LRRTM4: variants seen among roughly 807,000 people sequenced by gnomAD.
LRRTM4 encodes leucine rich repeat transmembrane neuronal 4.
In LRRTM4, 25 loss-of-function variants were observed where a neutral mutation model predicts 47.6. The ratio of observed to expected loss-of-function variants is 0.53; its 90% confidence interval spans 0.38 to 0.73. The LOEUF is 0.73. Ranked by LOEUF, LRRTM4 falls within the 30% of genes least tolerant of loss-of-function variation. The pLI, the probability that LRRTM4 is intolerant of heterozygous loss-of-function variation, is 0.00. For synonymous variants in LRRTM4, 311 were observed against 269.5 expected, an observed-to-expected ratio of 1.15 and a Z score of -1.51; for missense variants, 638 against 713.4, an observed-to-expected ratio of 0.89 and a Z score of 1.20.
intron 3 of LRRTM4, among the ~76,000 whole-genome samples, chr2:76,802,859 G>A (rs892103478): frequency 3.9e-5 from 6 of 152,038 alleles, no homozygotes; most frequent in African/African-American, 7.2e-5. Context: ...GAAAGGACAC[G>A]CTCATCAATA....
chr2:77,201,841 T>A (rs561553325), intron 3 of LRRTM4, among the ~76,000 whole-genome samples: 1 of 152,126 alleles, frequency 6.6e-6, no homozygotes. Flanking sequence ...ACTTATCAAA[T>A]TTCTAAATGT....
At chr2:77,341,129 A>T (rs1671358773) in intron 3 of LRRTM4, among the ~76,000 whole-genome samples, 2 of 151,848 alleles carry the variant, frequency 1.3e-5, no homozygotes, top group South Asian at 4.1e-4. Context: ...AACATGAGTC[A>T]CTCACTCTGC....
At chr2:77,010,521 C>T (rs1677833440) in intron 3 of LRRTM4, among the ~76,000 whole-genome samples, 2 of 150,990 alleles carry the variant, frequency 1.3e-5, no homozygotes, top group African/African-American at 4.9e-5. Context: ...CACACACACA[C>T]ACACACACAC....
intron 3 of LRRTM4, among the ~76,000 whole-genome samples, chr2:76,938,764 A>G (rs1675040727): frequency 6.6e-6 from 1 of 152,168 alleles, no homozygotes; most frequent in East Asian, 1.9e-4. Flanking sequence ...TTTAAAAATT[A>G]TCCTTTATAA....
intron 3 of LRRTM4, among the ~76,000 whole-genome samples, chr2:76,801,451 G>T (rs1675676432): frequency 6.6e-6 from 1 of 151,994 alleles, no homozygotes; most frequent in South Asian, 2.1e-4. Context: ...ACTCATAGGT[G>T]GGAATTGAAC....
chr2:77,317,135 T>C (rs1367919527), intron 3 of LRRTM4, among the ~76,000 whole-genome samples: 1 of 146,932 alleles, frequency 6.8e-6, no homozygotes, highest in African/African-American at 2.4e-5. Flanking sequence ...CATGATAAAA[T>C]GTAAAGTGAA....
chr2:77,461,334 T>C (rs2103972796), intron 3 of LRRTM4, among the ~76,000 whole-genome samples: 1 of 152,260 alleles, frequency 6.6e-6, no homozygotes, highest in Middle Eastern at 3.4e-3. Flanking sequence ...GGAAATTTAT[T>C]CAAACTCAGT....
intron 3 of LRRTM4, among the ~76,000 whole-genome samples, chr2:77,490,458 A>G (rs1261093860): frequency 1.3e-5 from 2 of 152,146 alleles, no homozygotes; most frequent in Non-Finnish European, 2.9e-5. Context: ...AAGAAACACA[A>G]TATCTCTACA....
At chr2:77,508,255 C>T (rs1409802677) in intron 3 of LRRTM4, among the ~76,000 whole-genome samples, 1 of 152,088 alleles carries the variant, frequency 6.6e-6, no homozygotes, top group Admixed American at 6.6e-5. Context: ...GTGAAGTAAT[C>T]AGACTTTTGG....
intron 3 of LRRTM4, among the ~76,000 whole-genome samples, chr2:76,770,302 G>A (rs1673640991): frequency 6.6e-6 from 1 of 152,090 alleles, no homozygotes; most frequent in African/African-American, 2.4e-5. Context: ...AGCTCCTTCG[G>A]TAAACTCATT....
At chr2:76,786,112 G>T (rs972859280) in intron 3 of LRRTM4, among the ~76,000 whole-genome samples, 3 of 151,992 alleles carry the variant, frequency 2.0e-5, no homozygotes, top group African/African-American at 7.3e-5. Context: ...CTCAACTTCA[G>T]CTTCATCTGG....
chr2:76,765,661 A>C (rs1673427216), intron 3 of LRRTM4, among the ~76,000 whole-genome samples: 1 of 152,214 alleles, frequency 6.6e-6, no homozygotes, highest in Admixed American at 6.5e-5. Context: ...TCTACTAGCC[A>C]AAATAAGGGG....
chr2:76,961,967 T>C (rs1004948857), intron 3 of LRRTM4, among the ~76,000 whole-genome samples: 2 of 151,310 alleles, frequency 1.3e-5, no homozygotes, highest in African/African-American at 2.4e-5. Flanking sequence ...TTTATGAATA[T>C]AGTATTTCTG....
intron 3 of LRRTM4, among the ~76,000 whole-genome samples, chr2:77,259,587 G>A (rs956973397): frequency 5.3e-5 from 8 of 151,958 alleles, no homozygotes; most frequent in East Asian, 1.9e-4. Context: ...AATAAAAGAA[G>A]TTTGGGAAGT....
chr2:76,864,518 G>A (rs865875589), intron 3 of LRRTM4, among the ~76,000 whole-genome samples: 13 of 152,030 alleles, frequency 8.6e-5, no homozygotes, highest in Middle Eastern at 6.8e-3. Context: ...TTAGCTTGGC[G>A]TGGTGGCGCA....
At chr2:77,150,517 ATTCATT>A (rs1164880213) in intron 3 of LRRTM4, among the ~76,000 whole-genome samples, 3 of 152,160 alleles carry the variant, frequency 2.0e-5, no homozygotes, top group African/African-American at 7.2e-5. Flanking sequence ...AGAAGCCCTC[ATTCATT>A]TTAAGATCTC....
chr2:77,117,867 C>A (rs1437962639), intron 3 of LRRTM4, among the ~76,000 whole-genome samples: 2 of 151,862 alleles, frequency 1.3e-5, no homozygotes, highest in Non-Finnish European at 2.9e-5. Flanking sequence ...TTCAATAGTT[C>A]ATTGGCTTTA....
chr2:76,956,529 A>G (rs886284388), intron 3 of LRRTM4, among the ~76,000 whole-genome samples: 4 of 151,364 alleles, frequency 2.6e-5, no homozygotes. Context: ...CAAATAAACT[A>G]TCTAACTTTA....
intron 3 of LRRTM4, among the ~76,000 whole-genome samples, chr2:77,205,003 A>T (rs762300151): frequency 5.9e-5 from 9 of 152,222 alleles, no homozygotes; most frequent in Non-Finnish European, 1.2e-4. Context: ...GCTATTATAC[A>T]GTTACAGAAT....
Sources: gnomAD v4.1 joint callset for allele counts (sites outside exome capture counted in the v4.1 genomes callset) on GRCh38, gnomAD v4.1.1 for gene constraint, MANE v1.5 for transcripts, NCBI Gene and HGNC (gene_info 2026-07-23, HGNC 2026-07-21) for gene names.